The following YY1 variants were observed in gnomAD, a reference collection of about 807,000 sequenced individuals.
The protein encoded by YY1 is transcriptional repressor protein YY1.
YY1 carries 2 observed loss-of-function variants against 35.6 expected under a neutral mutation model. That is an observed-to-expected ratio of 0.06 (90% CI 0.02 to 0.18). The LOEUF is 0.18. Ranked by LOEUF, YY1 falls within the 10% of genes least tolerant of loss-of-function variation. The pLI, the probability that YY1 is intolerant of heterozygous loss-of-function variation, is 1.00. For synonymous variants in YY1, 268 were observed against 238.9 expected, an observed-to-expected ratio of 1.12 and a Z score of -1.12; for missense variants, 322 against 573.4, an observed-to-expected ratio of 0.56 and a Z score of 4.48.
intron 1 of YY1, among the ~76,000 whole-genome samples, chr14:100,251,539 C>A (rs1459775950): frequency 2.0e-5 from 3 of 152,246 alleles, no homozygotes; most frequent in Non-Finnish European, 2.9e-5. Context: ...CTAGCATCCC[C>A]TGTATAGCTT....
chr14:100,242,378 GTTTTTT>G (rs57406488), intron 1 of YY1, among the ~76,000 whole-genome samples: 23 of 109,964 alleles, frequency 2.1e-4, no homozygotes, highest in Non-Finnish European at 3.2e-4. Context: ...TTTGTTTTTT[GTTTTTT>G]TTTTTTTTTT....
intron 2 of YY1, among the ~76,000 whole-genome samples, chr14:100,266,420 G>C (rs1891155974): frequency 6.6e-6 from 1 of 152,158 alleles, no homozygotes; most frequent in Non-Finnish European, 1.5e-5. Context: ...AAGAGAGAGG[G>C]AATCTATGGG....
At position 100,277,222 on chromosome 14, in the gene YY1, A is replaced by T. The variant is rs1454210506; in HGVS notation, c.1063-196A>T. 5.9e-6 allele frequency: 4 copies of T among 676,822 alleles called. No homozygotes were observed. In the East Asian group the frequency reaches 8.2e-5, roughly 14 times the overall value. 41.9% of individuals were successfully genotyped at this position (676,822 alleles called of 1,614,324 possible). On this transcript the variant is annotated intron_variant, in intron 4 of 4. Transcript: ENST00000262238. This position sits in a 1 kb window ranked among gnomAD's most constrained non-coding sequence, Gnocchi z 5.6. Reference sequence around the variant, plus strand: ...TGCCAAGTGTTTTAAACAGTTCGTGAGGGCTCTCCTTGGGTTTTCGGGGTT... The same window carrying T: ...TGCCAAGTGTTTTAAACAGTTCGTGTGGGCTCTCCTTGGGTTTTCGGGGTT...
intron 1 of YY1, among the ~76,000 whole-genome samples, chr14:100,258,910 C>T (rs1350542271): frequency 6.6e-6 from 1 of 152,220 alleles, no homozygotes; most frequent in East Asian, 1.9e-4. Context: ...TACGTTCTAT[C>T]TTGATCTTCC....
intron 1 of YY1, among the ~76,000 whole-genome samples, chr14:100,241,978 AGGG>A (rs5810986): frequency 1.1e-5 from 1 of 87,850 alleles, no homozygotes; most frequent in Non-Finnish European, 2.2e-5. Context: ...CTGTCTCAAA[AGGG>A]GGGGGGGGGC....
chr14:100,248,111 A>ATTTTTTTT (rs966925892), intron 1 of YY1, among the ~76,000 whole-genome samples: 4 of 75,880 alleles, frequency 5.3e-5, no homozygotes, highest in Admixed American at 1.4e-4. Context: ...CGCCCGGCTA[A>ATTTTTTTT]TTTTTTTTTC....
chr14:100,262,669 T>TGCAGTGGTGCGA (rs1891100619), intron 2 of YY1, among the ~76,000 whole-genome samples: 1 of 152,178 alleles, frequency 6.6e-6, no homozygotes, highest in Non-Finnish European at 1.5e-5. Context: ...CAGACTGGAG[T>TGCAGTGGTGCGA]GCAGTGGTGC....
chr14:100,254,890 A>G (rs1431570350), intron 1 of YY1, among the ~76,000 whole-genome samples: 4 of 138,690 alleles, frequency 2.9e-5, no homozygotes, highest in Non-Finnish European at 6.1e-5. Context: ...CTCCTGCCTC[A>G]GCCTCCCAAG....
intron 1 of YY1, among the ~76,000 whole-genome samples, chr14:100,253,084 G>A (rs1273856936): frequency 6.6e-6 from 1 of 152,090 alleles, no homozygotes; most frequent in Non-Finnish European, 1.5e-5. Context: ...CTTCTAATGG[G>A]GTTAACTATG....
intron 1 of YY1, among the ~76,000 whole-genome samples, chr14:100,240,633 G>A (rs998086073): frequency 3.9e-5 from 6 of 152,238 alleles, no homozygotes; most frequent in Non-Finnish European, 7.3e-5. Context: ...GGCGGGACTT[G>A]GGGCTGCACG....
chr14:100,271,651 C>G (rs1461309279), intron 2 of YY1, among the ~76,000 whole-genome samples: 1 of 151,560 alleles, frequency 6.6e-6, no homozygotes. Flanking sequence ...ACCTTATACA[C>G]ATAGCCTGAA....
intron 2 of YY1, 29 bp downstream of exon 2, chr14:100,262,495 A>G: frequency 6.2e-7 from 1 of 1,612,208 alleles, no homozygotes; most frequent in Non-Finnish European, 8.5e-7. Context: ...CCTTTCTTTT[A>G]ATTATAGAAA....
rs900268178 is a variant in YY1 at position 100,277,046 on chromosome 14, T to C, written c.1063-372T>C. The C allele has an allele frequency of 1.2e-5, 5 of 416,008 alleles. No homozygotes were observed. Among genetic ancestry groups the C allele is most frequent in the African/African-American group, 8.0e-5 (4 of 50,102 alleles). 25.8% of individuals were successfully genotyped at this position (416,008 alleles called of 1,614,324 possible). On this transcript the variant is annotated intron_variant, in intron 4 of 4. Transcript: ENST00000262238. The surrounding 1 kb of genome is among the most constrained non-coding windows in gnomAD (Gnocchi z 5.6). ...TATAGGTAATACTTTAGCCCATAAA[T>C]AAGTGAAAGAACTAGCAGTGCAGCT...
chr14:100,261,798 T>A (rs923874528), intron 1 of YY1, among the ~76,000 whole-genome samples: 2 of 151,980 alleles, frequency 1.3e-5, no homozygotes, highest in Non-Finnish European at 2.9e-5. Context: ...GAAATCAGAT[T>A]TGAATCAGCA....
At chr14:100,241,266 T>C (rs1890736903) in intron 1 of YY1, among the ~76,000 whole-genome samples, 2 of 152,240 alleles carry the variant, frequency 1.3e-5, no homozygotes, top group Non-Finnish European at 2.9e-5. Flanking sequence ...CTATAAGTAC[T>C]TTAAAGCTTC....
chr14:100,257,712 A>G (rs1014491721), intron 1 of YY1, among the ~76,000 whole-genome samples: 4 of 152,202 alleles, frequency 2.6e-5, no homozygotes, highest in Non-Finnish European at 5.9e-5. Context: ...TTGGACTTCT[A>G]GCTTCCGAAC....
chr14:100,249,100 A>ATTTTTTTTTTTTT lies in YY1; in HGVS notation c.679+9200_679+9212dup, dbSNP rs60088505. Among the ~76,000 whole-genome samples the ATTTTTTTTTTTTT allele has an allele frequency of 1.7e-4, 8 of 46,834 alleles. 1 individual carries two copies. Among genetic ancestry groups the ATTTTTTTTTTTTT allele is most frequent in the Non-Finnish European group, 1.6e-4 (4 of 25,196 alleles). The allele number at this position is 46,834 out of a possible 152,430, so 30.7% of individuals were successfully genotyped here. ...TTTGTGATGGACTCTTTCTCGTGTAATTTTTTTTTTTTTTTTTTTTTTTTT... is the reference window on the plus strand; with the variant it reads ...TTTGTGATGGACTCTTTCTCGTGTAATTTTTTTTTTTTTTTTTTTTTTTTTTTTTTTTTTTTTT... On this transcript the variant is annotated intron_variant, in intron 1 of 4. Coordinates refer to ENST00000262238, the MANE Select transcript of YY1 (RefSeq NM_003403.5).
At chr14:100,260,426 T>A (rs1029140326) in intron 1 of YY1, among the ~76,000 whole-genome samples, 1 of 46,644 alleles carries the variant, frequency 2.1e-5, no homozygotes, top group Non-Finnish European at 3.9e-5. Flanking sequence ...AATATATGAA[T>A]ATATATATAT....
intron 1 of YY1, among the ~76,000 whole-genome samples, chr14:100,248,121 C>CTTTTTTTTTTTTTTTTTTT (rs10694000): frequency 8.5e-6 from 1 of 117,660 alleles, no homozygotes; most frequent in Non-Finnish European, 1.7e-5. Context: ...ATTTTTTTTT[C>CTTTTTTTTTTTTTTTTTTT]TTTTTTTTTT....
Sources: gnomAD v4.1 joint callset for allele counts (sites outside exome capture counted in the v4.1 genomes callset) on GRCh38, gnomAD v4.1.1 for gene constraint, Gnocchi (gnomAD v3.1) non-coding constraint, MANE v1.5 for transcripts, NCBI Gene and HGNC (gene_info 2026-07-23, HGNC 2026-07-21) for gene names.